Variants in APOBEC3H observed in about 807,000 individuals in gnomAD.
APOBEC3H encodes DNA dC->dU-editing enzyme APOBEC-3H.
In APOBEC3H, 8 loss-of-function variants were observed where a neutral mutation model predicts 21.2. The observed-to-expected ratio is 0.38, with a 90% CI of 0.22 to 0.68. The LOEUF (loss-of-function observed/expected upper bound fraction) is 0.68, where lower values mean the gene tolerates loss of function less well. Ranked by LOEUF, APOBEC3H falls within the 30% of genes least tolerant of loss-of-function variation. The pLI is 0.52. For synonymous variants in APOBEC3H, 88 were observed against 91.0 expected (o/e 0.97, Z 0.19); for missense variants, 229 against 228.1 (o/e 1.00, Z -0.03).
Position 39,100,329 on chromosome 22 carries a change from C to A in APOBEC3H, c.51C>A (p.Arg17=). The A allele has an allele frequency of 6.2e-7, 1 of 1,614,050 alleles. No individual in the cohort carries two copies. Among genetic ancestry groups the A allele is most frequent in the Non-Finnish European group, 8.5e-7 (1 of 1,179,954 alleles). ...TCCGCTTACAGTTTAACAACAAGCG[C>A]CGCCTCAGAAGGCCTTACTACCCGA... is the stretch of plus-strand genomic sequence containing the variant. ...ETFRLQFNNK[R]RLRRPYYPRK... is the part of the protein sequence containing the mutation. Residue 17 remains arginine, a synonymous_variant, in exon 2 of 5, where the codon CGC becomes CGA. Coordinates refer to ENST00000442487, the MANE Select transcript of APOBEC3H (RefSeq NM_181773.5).
chr22:39,101,513 G>A lies in APOBEC3H; in HGVS notation c.418+9G>A, dbSNP rs1929333656. The A allele has an allele frequency of 6.3e-7, 1 of 1,591,134 alleles. No homozygotes were observed. Among genetic ancestry groups the A allele is most frequent in the Non-Finnish European group, 8.6e-7 (1 of 1,169,290 alleles). On this transcript the variant is annotated intron_variant, in intron 3 of 4. Coordinates refer to ENST00000442487, the MANE Select transcript of APOBEC3H (RefSeq NM_181773.5). ...GGTCATGGGCTTCCCAGGTAGGAAA[G>A]AGGCTTTGCAGTTATAAGAGTGCAA...
intron 1 of APOBEC3H, among the ~76,000 whole-genome samples, chr22:39,099,288 A>G (rs1342375389): frequency 6.6e-6 from 1 of 152,190 alleles, no homozygotes; most frequent in Non-Finnish European, 1.5e-5. Context: ...AGCAAAATCT[A>G]TGTAATTTCT....
intron 4 of APOBEC3H, chr22:39,102,481 T>G (rs1264573208): frequency 2.8e-6 from 2 of 715,466 alleles, no homozygotes; most frequent in South Asian, 3.0e-5. Flanking sequence ...TGTTCTCCTC[T>G]CGCACCAGGG....
chr22:39,098,043 G>C (rs760211733), intron 1 of APOBEC3H, among the ~76,000 whole-genome samples: 1 of 152,242 alleles, frequency 6.6e-6, no homozygotes, highest in Non-Finnish European at 1.5e-5. Flanking sequence ...CCGTGATGCA[G>C]AGGCTGGCAG....
chr22:39,101,429 T>C lies in APOBEC3H; in HGVS notation c.343T>C (p.Trp115Arg). 6.2e-7 allele frequency: 1 copy of C among 1,611,644 alleles called. No individual in the cohort carries two copies. The highest frequency in any genetic ancestry group is 8.5e-7 in the Non-Finnish European group (1 of 1,179,476). Residue 115 changes from tryptophan (W) to arginine (R), a missense_variant, in exon 3 of 5, where the codon TGG becomes CGG. Physicochemically the swap from Trp to Arg is moderately radical, Grantham distance 101. Transcript: ENST00000442487. ...GIFASRLYYH[W>R]CKPQQKGLRL... ...CTTCGCCTCCCGCCTGTACTACCACTGGTGCAAGCCCCAGCAGAAGGGGCT... is the reference window on the plus strand; with the variant it reads ...CTTCGCCTCCCGCCTGTACTACCACCGGTGCAAGCCCCAGCAGAAGGGGCT...
Position 39,097,570 on chromosome 22 carries a change from C to T in APOBEC3H, c.-8+227C>T, listed in dbSNP as rs149359564. Among the ~76,000 whole-genome samples, 22 of 152,324 alleles carry T rather than the reference C, an allele frequency of 1.4e-4. 1 individual carries two copies. In the East Asian group the frequency reaches 4.2e-3, roughly 29 times the overall value. On this transcript the variant is annotated intron_variant, in intron 1 of 4. Transcript: ENST00000442487. ...TCCCCGGCCTGCACCAGCCCAAGAC[C>T]CCTGCTGAGACTCTCCCCTAAGAGT...
intron 1 of APOBEC3H, among the ~76,000 whole-genome samples, chr22:39,099,121 G>A (rs568884147): frequency 1.3e-5 from 2 of 152,206 alleles, no homozygotes; most frequent in Admixed American, 6.5e-5. Context: ...CTTGAACCCG[G>A]GAGAATCACT....
chr22:39,102,694 C>T (rs111264862), intron 4 of APOBEC3H: 63,944 of 636,148 alleles, frequency 0.1, 4,497 homozygotes, highest in African/African-American at 0.28. Context: ...CCATGTGTAC[C>T]TCTCACCATA....
chr22:39,102,536 C>G (rs1373289032), intron 4 of APOBEC3H: 2 of 718,322 alleles, frequency 2.8e-6, no homozygotes, highest in South Asian at 1.5e-5. Flanking sequence ...TGCGCAGGGT[C>G]GTTACATGGA....
intron 1 of APOBEC3H, among the ~76,000 whole-genome samples, 190 bp from the exon 2 acceptor site, chr22:39,100,082 A>T (rs1320988246): frequency 1.3e-5 from 2 of 152,186 alleles, no homozygotes; most frequent in South Asian, 4.1e-4. Flanking sequence ...CTGAGGCAGG[A>T]GAATCGCTTG....
In APOBEC3H at chr22:39,102,002, A is replaced by T. The variant is rs1488296114; in HGVS notation, c.503A>T (p.Lys168Ile). 3 of 1,613,616 alleles carry T rather than the reference A, an allele frequency of 1.9e-6. No individual in the cohort carries two copies. The highest frequency in any genetic ancestry group is 8.5e-7 in the Non-Finnish European group (1 of 1,179,870). ...TATAAGATGTTAGAGGAGCTAGATA[A>T]AAACAGTCGAGCCATAAAGCGACGG... is the stretch of plus-strand genomic sequence containing the variant. Reference protein sequence around the residue: ...NPYKMLEELDKNSRAIKRRLE... With the variant: ...NPYKMLEELDINSRAIKRRLE... The change falls in exon 4 of 5, where the codon AAA (lysine) becomes ATA (isoleucine). Residue 168 changes from lysine (K) to isoleucine (I), a missense_variant. Physicochemically the swap from Lys to Ile is moderately radical, Grantham distance 102. Transcript: ENST00000442487.
chr22:39,102,890 A>G (rs1270606702), intron 4 of APOBEC3H, among the ~76,000 whole-genome samples: 1 of 138,844 alleles, frequency 7.2e-6, no homozygotes, highest in Non-Finnish European at 1.5e-5. Context: ...TGAACCCAGG[A>G]GGTGGGAGGT....
intron 4 of APOBEC3H, 62 bp from the exon 5 acceptor site, chr22:39,103,627 T>C (rs1929492977): frequency 6.4e-7 from 1 of 1,554,212 alleles, no homozygotes; most frequent in South Asian, 1.1e-5. Context: ...CACCTCTCCC[T>C]CCCTTCCTCC....
rs753745266 is a variant in APOBEC3H, at chr22:39,101,478, TC to T, written c.395del (p.Pro132ArgfsTer32). 6.3e-7 allele frequency: 1 copy of T among 1,577,796 alleles called. No individual in the cohort carries two copies. The highest frequency in any genetic ancestry group is 2.4e-5 in the East Asian group (1 of 42,062). ...KGLRLLCGSQ[V>X]PVEVMGFPEF... The stretch of plus-strand genomic sequence containing the variant: ...CTGCGGCTTCTGTGTGGATCCCAGG[TC>T]CCGGTGGAGGTCATGGGCTTCCCAG... On this transcript the variant is annotated frameshift_variant, in exon 3 of 5. Coordinates refer to ENST00000442487, the MANE Select transcript of APOBEC3H (RefSeq NM_181773.5). LOFTEE classifies it high-confidence loss of function.
At chr22:39,100,477 C>G (rs1156650013) in intron 2 of APOBEC3H, 49 bp downstream of exon 2, 3 of 1,582,166 alleles carry the variant, frequency 1.9e-6, no homozygotes, top group African/African-American at 1.4e-5. Context: ...CTAACCCCAT[C>G]TGATGTGTGC....
At chr22:39,100,126 T>A in intron 1 of APOBEC3H, 146 bp from the exon 2 acceptor site, 1 of 786,776 alleles carries the variant, frequency 1.3e-6, no homozygotes, top group South Asian at 1.8e-5. Flanking sequence ...TGAGCCAAGA[T>A]CGGGCCACTG....
chr22:39,103,574 C>T lies in APOBEC3H; in HGVS notation c.544-115C>T. ...GTGTTTTTCTCCAGGCCTTCTGGGC[C>T]CTTCTGGTGCCAGTTCTTTTCTCTT... is the stretch of plus-strand genomic sequence containing the variant. On this transcript the variant is annotated intron_variant, in intron 4 of 4. Transcript: ENST00000442487. 4 of 1,121,480 alleles carry T rather than the reference C, an allele frequency of 3.6e-6. No individual in the cohort carries two copies. The South Asian group carries it at 3.7e-5, about 10-fold the overall frequency. The allele number at this position is 1,121,480 out of a possible 1,614,324, so 69.5% of individuals were successfully genotyped here.
rs112605061 is a variant in APOBEC3H, at chr22:39,101,407, C to T, written c.321C>T (p.Phe107=). The change falls in exon 3 of 5, where the codon TTC becomes TTT. Residue 107 remains phenylalanine (F), a synonymous_variant. Coordinates refer to ENST00000442487, the MANE Select transcript of APOBEC3H (RefSeq NM_181773.5). ...KAHDHLNLGI[F]ASRLYYHWCK... is the part of the protein sequence containing the mutation. Reference sequence around the variant, plus strand: ...ACGACCATCTGAACCTGGGCATCTTCGCCTCCCGCCTGTACTACCACTGGT... The same window carrying T: ...ACGACCATCTGAACCTGGGCATCTTTGCCTCCCGCCTGTACTACCACTGGT... 1,401 of 1,611,652 alleles carry T rather than the reference C, an allele frequency of 8.7e-4. 17 individuals carry two copies. In the African/African-American group the frequency reaches 0.015, roughly 18 times the overall value.
intron 2 of APOBEC3H, 93 bp from the exon 3 acceptor site, chr22:39,101,144 A>ACACCCC: frequency 8.2e-5 from 3 of 36,658 alleles, no homozygotes; most frequent in South Asian, 2.0e-4. Flanking sequence ...CTGCCCCCCC[A>ACACCCC]TCCCCGCCCC....
Sources: gnomAD v4.1 joint callset for allele counts (sites outside exome capture counted in the v4.1 genomes callset) on GRCh38, gnomAD v4.1.1 for gene constraint, MANE v1.5 for transcripts, NCBI Gene and HGNC (gene_info 2026-07-23, HGNC 2026-07-21) for gene names.